ZNF675: variants seen among roughly 807,000 people sequenced by gnomAD.
ZNF675 encodes the protein zinc finger protein 675.
ZNF675 carries 36 observed loss-of-function variants against 56.1 expected under a neutral mutation model. The observed-to-expected ratio is 0.64, with a 90% confidence interval of 0.49 to 0.85. The LOEUF (loss-of-function observed/expected upper bound fraction) is 0.85. Ranked by LOEUF, ZNF675 falls within the 40% of genes least tolerant of loss-of-function variation. ZNF675 has a pLI of 0.00. For missense variants in ZNF675, 663 were observed against 654.2 expected (o/e 1.01, Z -0.15); for synonymous variants, 200 against 218.9 (o/e 0.91, Z 0.76).
intron 1 of ZNF675, among the ~76,000 whole-genome samples, chr19:23,679,154 G>A (rs1289525068): frequency 1.9e-5 from 2 of 102,792 alleles, no homozygotes; most frequent in Admixed American, 1.4e-4. Flanking sequence ...GCGACAGAGC[G>A]AGACTCCGTC....
intron 1 of ZNF675, among the ~76,000 whole-genome samples, chr19:23,667,597 C>CA (rs1452415652): frequency 1.3e-5 from 2 of 151,968 alleles, no homozygotes; most frequent in African/African-American, 4.8e-5. Context: ...GATAGAGTGT[C>CA]GATTGGTGCA....
In ZNF675 at chr19:23,654,601, A is replaced by T; in HGVS notation, c.332T>A (p.Phe111Tyr). 1 of 1,611,720 alleles carries T rather than the reference A, an allele frequency of 6.2e-7. No individual in the cohort carries two copies. Among genetic ancestry groups the T allele is most frequent in the Non-Finnish European group, 8.5e-7 (1 of 1,178,856 alleles). ...CACACTTTTACAGCCTTTTAACTGAAAATTATCATTTCCACATTTTTCATA... is the reference window on the plus strand; with the variant it reads ...CACACTTTTACAGCCTTTTAACTGATAATTATCATTTCCACATTTTTCATA... ...RRYEKCGNDNFQLKGCKSVDE... is the reference protein window; with the variant it reads ...RRYEKCGNDNYQLKGCKSVDE... The change falls in exon 4 of 4, where the codon TTT becomes TAT. Residue 111 changes from phenylalanine to tyrosine, a missense_variant. Physicochemically the swap from Phe to Tyr is conservative, Grantham distance 22 (BLOSUM62 3). Coordinates refer to ENST00000359788, the MANE Select transcript of ZNF675 (RefSeq NM_138330.3).
intron 1 of ZNF675, among the ~76,000 whole-genome samples, chr19:23,675,499 A>G (rs1325850246): frequency 1.3e-5 from 2 of 151,844 alleles, no homozygotes; most frequent in Non-Finnish European, 2.9e-5. Context: ...AAATTGTATC[A>G]ACAACATACT....
chr19:23,656,667 G>A (rs1226022425), intron 3 of ZNF675: 1 of 151,286 alleles, frequency 6.6e-6, no homozygotes, highest in East Asian at 1.9e-4. Flanking sequence ...GGATTATTCA[G>A]CCTTAAATAA....
chr19:23,682,898 T>C (rs1968395152), intron 1 of ZNF675, among the ~76,000 whole-genome samples: 1 of 151,878 alleles, frequency 6.6e-6, no homozygotes, highest in East Asian at 1.9e-4. Flanking sequence ...TTTTAAAAGT[T>C]ATGTAGTAGG....
intron 3 of ZNF675, chr19:23,656,075 G>A (rs529234777): frequency 6.6e-6 from 1 of 151,872 alleles, no homozygotes; most frequent in Admixed American, 6.6e-5. Context: ...GAGTGACACA[G>A]TAAAATCTTC....
intron 3 of ZNF675, chr19:23,657,014 A>G (rs1967994679): frequency 1.3e-5 from 2 of 152,176 alleles, no homozygotes; most frequent in African/African-American, 4.8e-5. Context: ...GGCTCACTGT[A>G]GCCTCAAACT....
chr19:23,677,236 CA>C (rs1293089343), intron 1 of ZNF675, among the ~76,000 whole-genome samples: 1 of 148,824 alleles, frequency 6.7e-6, no homozygotes, highest in Non-Finnish European at 1.5e-5. Context: ...AAGAGGAACT[CA>C]AACTATCCCG....
Position 23,653,357 on chromosome 19 carries a change from G to A in ZNF675, c.1576C>T (p.His526Tyr), listed in dbSNP as rs755650736. The A allele has an allele frequency of 1.9e-6, 3 of 1,613,634 alleles. No individual in the cohort carries two copies. Among genetic ancestry groups the A allele is most frequent in the Non-Finnish European group, 2.5e-6 (3 of 1,179,970 alleles). Residue 526 changes from histidine to tyrosine, a missense_variant, in exon 4 of 4, where the codon CAT (histidine) becomes TAT (tyrosine). By Grantham distance (83) the His-to-Tyr change is moderately conservative. Transcript: ENST00000359788. ...AFSRSSKLTE[H>Y]KIIHTGEKPY... ...TTCTCTCCAGTATGAATTATCTTAT[G>A]TTCAGTAAGTTTTGAGGATCGGCTA...
chr19:23,653,897 C>T lies in ZNF675; in HGVS notation c.1036G>A (p.Gly346Arg), dbSNP rs766263362. ...GEKPYKCEEC[G>R]KAFNRSSKLT... Reference sequence around the variant, plus strand: ...TTTGAGGATCGGTTAAAAGCTTTTCCACATTCTTCACATTTGTAGGGTTTT... The same window carrying T: ...TTTGAGGATCGGTTAAAAGCTTTTCTACATTCTTCACATTTGTAGGGTTTT... The change falls in exon 4 of 4, where the codon GGA becomes AGA. Residue 346 changes from glycine (G) to arginine (R), a missense_variant. Gly to Arg is a moderately radical substitution (Grantham distance 125). Around this residue, in one of 3 missense-constraint regions of ZNF675, gnomAD observed 617 missense variants for 590.5 expected, o/e 1.04. Coordinates refer to ENST00000359788, the MANE Select transcript of ZNF675 (RefSeq NM_138330.3). 6.2e-7 allele frequency: 1 copy of T among 1,613,218 alleles called. No homozygotes were observed. The highest frequency in any genetic ancestry group is 1.3e-5 in the African/African-American group (1 of 74,874).
At position 23,687,020 on chromosome 19, in the gene ZNF675, G is replaced by A; in HGVS notation, c.3+11C>T. On this transcript the variant is annotated intron_variant, in intron 1 of 3. Transcript: ENST00000359788. The stretch of plus-strand genomic sequence containing the variant: ...TTCCCCCTCTCGGGATGTCGCACCC[G>A]TAACTCTCACCATTTCTAGGCTTCC... The A allele has an allele frequency of 6.2e-7, 1 of 1,613,702 alleles. No individual in the cohort carries two copies. Among genetic ancestry groups the A allele is most frequent in the Non-Finnish European group, 8.5e-7 (1 of 1,179,760 alleles).
rs1001894739 is a variant in ZNF675 at position 23,674,983 on chromosome 19, AAAGAGAG to A, written c.4-11832_4-11826del. Among the ~76,000 whole-genome samples, 22 of 60,712 alleles carry A rather than the reference AAAGAGAG, an allele frequency of 3.6e-4. 1 individual carries two copies. Among genetic ancestry groups the A allele is most frequent in the African/African-American group, 1.1e-3 (20 of 18,412 alleles). The allele number at this position is 60,712 out of a possible 152,430, so 39.8% of individuals were successfully genotyped here. On this transcript the variant is annotated intron_variant, in intron 1 of 3. Coordinates refer to ENST00000359788, the MANE Select transcript of ZNF675 (RefSeq NM_138330.3). ...CAAGACTCCATCTCAAAAAAAAAAA[AAAGAGAG>A]AGAGAGAGCCTTTTATTTCTAACTT... is the stretch of plus-strand genomic sequence containing the variant.
intron 1 of ZNF675, among the ~76,000 whole-genome samples, chr19:23,667,368 G>A (rs1260931957): frequency 3.3e-5 from 5 of 152,106 alleles, no homozygotes; most frequent in East Asian, 1.9e-4. Context: ...GGACCCCAGC[G>A]GGTTGCCACT....
chr19:23,653,125 A>C lies in ZNF675; in HGVS notation c.*101T>G. 1 of 1,134,390 alleles carries C rather than the reference A, an allele frequency of 8.8e-7. No individual in the cohort carries two copies. The highest frequency in any genetic ancestry group is 1.7e-5 in the South Asian group (1 of 59,496). 70.3% of individuals were successfully genotyped at this position (1,134,390 alleles called of 1,614,324 possible). A position where few individuals can be genotyped will look rare whatever the true frequency, so the allele number is the denominator to read the frequency against. ...ATCTTACATACAATGAAGTGTGAAAACCATTTAAAGTCTTTGACACATTCT... is the reference window on the plus strand; with the variant it reads ...ATCTTACATACAATGAAGTGTGAAACCCATTTAAAGTCTTTGACACATTCT... On this transcript the variant is annotated 3_prime_UTR_variant, in exon 4 of 4. Transcript: ENST00000359788.
At position 23,654,136 on chromosome 19, in the gene ZNF675, T is replaced by G; in HGVS notation, c.797A>C (p.Asn266Thr). 6.2e-7 allele frequency: 1 copy of G among 1,613,950 alleles called. No individual in the cohort carries two copies. The highest frequency in any genetic ancestry group is 8.5e-7 in the Non-Finnish European group (1 of 1,179,964). ...ATGTGTAGTAAGGTGTGAGGACTGG[T>G]TAAAGGCTTTGCCACATTCTTCACA... is the stretch of plus-strand genomic sequence containing the variant. The part of the protein sequence containing the change: ...YKCEECGKAF[N>T]QSSHLTTHKI... The change falls in exon 4 of 4, where the codon AAC (asparagine) becomes ACC (threonine). Residue 266 changes from asparagine (N) to threonine (T), a missense_variant. Asn to Thr is a moderately conservative substitution (Grantham distance 65, BLOSUM62 0). This residue lies in a region of ZNF675 where 617 missense variants were observed against 590.5 expected (regional missense o/e 1.04). Transcript: ENST00000359788.
rs1968455021 is a variant in ZNF675, at chr19:23,687,151, C to A, written c.-118G>T. The stretch of plus-strand genomic sequence containing the variant: ...AGGACACAGAGCAATGAAAGCGAGA[C>A]CTGGAGCTCCGGCTGCAGCGAGAGA... On this transcript the variant is annotated 5_prime_UTR_variant, in exon 1 of 4. Coordinates refer to ENST00000359788, the MANE Select transcript of ZNF675 (RefSeq NM_138330.3). 1.6e-6 allele frequency: 2 copies of A among 1,252,544 alleles called. No individual in the cohort carries two copies. Among genetic ancestry groups the A allele is most frequent in the Non-Finnish European group, 2.3e-6 (2 of 868,316 alleles). 77.6% of individuals were successfully genotyped at this position (1,252,544 alleles called of 1,614,324 possible).
intron 1 of ZNF675, among the ~76,000 whole-genome samples, chr19:23,672,499 A>G (rs1310059466): frequency 6.6e-6 from 1 of 152,220 alleles, no homozygotes; most frequent in African/African-American, 2.4e-5. Flanking sequence ...TTGACATCTC[A>G]CAATGCAGAA....
rs571984998 is a variant in ZNF675 at position 23,680,865 on chromosome 19, CAA to C, written c.3+6164_3+6165del. Among the ~76,000 whole-genome samples the C allele has an allele frequency of 1.9e-3, 293 of 151,704 alleles. 11 individuals carry two copies. The highest frequency in any genetic ancestry group is 6.8e-3 in the Middle Eastern group (2 of 294). On this transcript the variant is annotated intron_variant, in intron 1 of 3. Transcript: ENST00000359788. ...TAGTTGAGGGTGGAGAGTAGAAGGA[CAA>C]AGAGAATCAGAAAAAAATACTTGTT...
rs532734067 is a variant in ZNF675 at position 23,664,351 on chromosome 19, A to G, written c.4-1193T>C. Among the ~76,000 whole-genome samples the G allele has an allele frequency of 2.0e-5, 3 of 152,274 alleles. No individual in the cohort carries two copies. The East Asian group carries it at 5.8e-4, about 29-fold the overall frequency. ...CACACTCACAGGCAGAAGGACCAAG[A>G]CTCACAGAAAAAGTCCACCCATTTC... is the stretch of plus-strand genomic sequence containing the variant. On this transcript the variant is annotated intron_variant, in intron 1 of 3. Coordinates refer to ENST00000359788, the MANE Select transcript of ZNF675 (RefSeq NM_138330.3).
Sources: gnomAD v4.1 joint callset for allele counts (sites outside exome capture counted in the v4.1 genomes callset) on GRCh38, gnomAD v4.1.1 for gene constraint, gnomAD v4.1.1 regional missense constraint, MANE v1.5 for transcripts, NCBI Gene and HGNC (gene_info 2026-07-23, HGNC 2026-07-21) for gene names.